Variants in SLC24A2 observed in about 807,000 individuals in gnomAD.
SLC24A2 encodes the protein solute carrier family 24 member 2, also known as sodium/potassium/calcium exchanger 2.
Under a neutral mutation model 62.0 loss-of-function variants are expected in SLC24A2, and 36 were observed. The ratio of observed to expected loss-of-function variants is 0.58; its 90% confidence interval spans 0.44 to 0.77. SLC24A2 has a LOEUF of 0.77. Among genes scored for constraint, SLC24A2 ranks in the 30% least tolerant of loss-of-function variants. The pLI is 0.00. For synonymous variants in SLC24A2, 358 were observed against 294.0 expected, an observed-to-expected ratio of 1.22 and a Z score of -2.23; for missense variants, 846 against 817.9, an observed-to-expected ratio of 1.03 and a Z score of -0.42.
intron 2 of SLC24A2, among the ~76,000 whole-genome samples, chr9:19,753,447 C>G (rs1201414351): frequency 6.6e-6 from 1 of 152,188 alleles, no homozygotes; most frequent in South Asian, 2.1e-4. Context: ...TTAACATTCC[C>G]AAATAGTTTG....
intron 7 of SLC24A2, among the ~76,000 whole-genome samples, chr9:19,561,862 A>T (rs1037670095): frequency 5.3e-5 from 8 of 152,198 alleles, no homozygotes; most frequent in African/African-American, 1.9e-4. Context: ...CACCCTAAAC[A>T]CAACATGAGA....
chr9:19,819,743 T>C, the SLC24A2 span, among the ~76,000 whole-genome samples: 2 of 151,848 alleles, frequency 1.3e-5, no homozygotes, highest in South Asian at 4.2e-4. Context: ...GGAACATATC[T>C]ACACTGCTGG....
intron 2 of SLC24A2, among the ~76,000 whole-genome samples, chr9:19,635,225 A>G (rs188559688): frequency 1.6e-4 from 25 of 152,330 alleles, no homozygotes; most frequent in Admixed American, 1.5e-3. Flanking sequence ...GTTCAGCACT[A>G]TTTTCATTGT....
intron 9 of SLC24A2, among the ~76,000 whole-genome samples, chr9:19,525,822 G>C (rs1833425457): frequency 7.1e-6 from 1 of 141,450 alleles, no homozygotes; most frequent in Non-Finnish European, 1.5e-5. Flanking sequence ...GTGATATCTT[G>C]GATTAGTTTC....
At chr9:20,131,880 A>G in the SLC24A2 span, among the ~76,000 whole-genome samples, 1 of 152,142 alleles carries the variant, frequency 6.6e-6, no homozygotes, top group Admixed American at 6.6e-5. Flanking sequence ...GGTTAATCTG[A>G]TGTATGTAGC....
At chr9:19,969,675 G>A in the SLC24A2 span, among the ~76,000 whole-genome samples, 5 of 152,164 alleles carry the variant, frequency 3.3e-5, no homozygotes, top group African/African-American at 7.2e-5. Flanking sequence ...GAAGCAAGGC[G>A]GTAGAAAGTT....
chr9:19,687,633 A>G (rs182981496), intron 2 of SLC24A2, among the ~76,000 whole-genome samples: 1 of 152,100 alleles, frequency 6.6e-6, no homozygotes, highest in Non-Finnish European at 1.5e-5. Flanking sequence ...GGATCATAGG[A>G]CCACTTTCCT....
At chr9:19,576,884 C>T in intron 6 of SLC24A2, 40 bp downstream of exon 6, 1 of 1,493,212 alleles carries the variant, frequency 6.7e-7, no homozygotes, top group Non-Finnish European at 9.3e-7. Flanking sequence ...CCCTCGCTTC[C>T]CCCAGGAAAG....
At chr9:19,995,079 C>T in the SLC24A2 span, among the ~76,000 whole-genome samples, 1 of 145,434 alleles carries the variant, frequency 6.9e-6, no homozygotes. Context: ...TATCTCAGGC[C>T]TTTTTTTTTT....
chr9:20,233,658 G>C, the SLC24A2 span, among the ~76,000 whole-genome samples: 2 of 152,314 alleles, frequency 1.3e-5, no homozygotes, highest in Admixed American at 6.5e-5. Flanking sequence ...ACAGTACACT[G>C]ACGGGTCTTG....
At chr9:20,020,537 C>A in the SLC24A2 span, among the ~76,000 whole-genome samples, 1 of 151,982 alleles carries the variant, frequency 6.6e-6, no homozygotes, top group African/African-American at 2.4e-5. Flanking sequence ...CACATGGACA[C>A]AGGGAGGGGA....
intron 10 of SLC24A2, among the ~76,000 whole-genome samples, chr9:19,518,484 T>C (rs1833043658): frequency 1.3e-5 from 2 of 151,032 alleles, no homozygotes. Context: ...TGCAGTGGCG[T>C]GATCTTGGTT....
chr9:19,979,568 A>T, the SLC24A2 span, among the ~76,000 whole-genome samples: 8 of 152,200 alleles, frequency 5.3e-5, no homozygotes, highest in Admixed American at 3.3e-4. Context: ...TTTTAAAAGC[A>T]CAAACGATTT....
At chr9:20,053,099 C>T in the SLC24A2 span, among the ~76,000 whole-genome samples, 1 of 152,272 alleles carries the variant, frequency 6.6e-6, no homozygotes, top group East Asian at 1.9e-4. Flanking sequence ...CCTAATTTGA[C>T]AGCCATCTTG....
chr9:19,560,176 G>A (rs187082932), intron 7 of SLC24A2, among the ~76,000 whole-genome samples: 1 of 152,148 alleles, frequency 6.6e-6, no homozygotes, highest in African/African-American at 2.4e-5. Flanking sequence ...AACAGGGAGA[G>A]TCTGGAAGAA....
chr9:19,903,839 C>T, the SLC24A2 span, among the ~76,000 whole-genome samples: 9 of 152,178 alleles, frequency 5.9e-5, no homozygotes, highest in Non-Finnish European at 1.3e-4. Context: ...ACTCTATGCT[C>T]CTATGCCTTG....
the SLC24A2 span, among the ~76,000 whole-genome samples, chr9:20,303,582 A>G: frequency 6.6e-6 from 1 of 152,126 alleles, no homozygotes; most frequent in Non-Finnish European, 1.5e-5. Flanking sequence ...TACTTCCAAT[A>G]ACTGGAGGTT....
the SLC24A2 span, among the ~76,000 whole-genome samples, chr9:20,263,140 C>T: frequency 6.6e-6 from 1 of 152,180 alleles, no homozygotes; most frequent in Non-Finnish European, 1.5e-5. Context: ...CTCATGTGTA[C>T]TTTTATGTTT....
the SLC24A2 span, among the ~76,000 whole-genome samples, chr9:20,176,145 T>C: frequency 6.6e-6 from 1 of 152,020 alleles, no homozygotes; most frequent in Non-Finnish European, 1.5e-5. Flanking sequence ...GTTTTTCAGG[T>C]TTTTGGTCAT....
Sources: gnomAD v4.1 joint callset for allele counts (sites outside exome capture counted in the v4.1 genomes callset) on GRCh38, gnomAD v4.1.1 for gene constraint, MANE v1.5 for transcripts, NCBI Gene and HGNC (gene_info 2026-07-23, HGNC 2026-07-21) for gene names.